Variants in MGRN1 observed in about 807,000 individuals in gnomAD.
MGRN1 encodes the protein mahogunin ring finger 1.
A neutral mutation model predicts 69.2 loss-of-function variants in MGRN1; 29 were observed. The observed-to-expected ratio is 0.42, with a 90% CI of 0.31 to 0.57. The LOEUF (loss-of-function observed/expected upper bound fraction) is 0.57. Among genes scored for constraint, MGRN1 ranks in the 20% least tolerant of loss-of-function variants. The pLI, the probability that MGRN1 is intolerant of heterozygous loss-of-function variation, is 0.15. For synonymous variants in MGRN1, 470 were observed against 344.2 expected (o/e 1.37, Z -4.04); for missense variants, 998 against 796.2 (o/e 1.25, Z -3.05).
chr16:4,631,658 G>T (rs1157040326), intron 1 of MGRN1, among the ~76,000 whole-genome samples: 2 of 152,206 alleles, frequency 1.3e-5, no homozygotes, highest in Non-Finnish European at 2.9e-5. Context: ...GTGAAATCAG[G>T]TAGCATAAGT....
intron 5 of MGRN1, among the ~76,000 whole-genome samples, chr16:4,661,070 C>T (rs143490393): frequency 4.6e-5 from 7 of 152,124 alleles, no homozygotes; most frequent in Non-Finnish European, 5.9e-5. Context: ...CAGCCTCGAA[C>T]TCCTGGGTTA....
rs1027527076 is a variant in MGRN1, at chr16:4,672,067, G to A, written c.795+608G>A. 2.5e-4 allele frequency among the ~76,000 whole-genome samples: 38 copies of A among 152,078 alleles called. 1 individual carries two copies. Among genetic ancestry groups the A allele is most frequent in the African/African-American group, 8.7e-4 (36 of 41,512 alleles). On this transcript the variant is annotated intron_variant, in intron 9 of 16. Transcript: ENST00000262370. ...ACCACAGGCACGCGCCACCACACCCGGCTAATTTTTTGTATTTTAGTAGCG... is the reference window on the plus strand; with the variant it reads ...ACCACAGGCACGCGCCACCACACCCAGCTAATTTTTTGTATTTTAGTAGCG...
At chr16:4,655,287 T>G (rs2078507810) in intron 4 of MGRN1, among the ~76,000 whole-genome samples, 4 of 152,042 alleles carry the variant, frequency 2.6e-5, no homozygotes, top group Admixed American at 2.6e-4. Context: ...CAAGTGCACT[T>G]GAAGAGAGGG....
intron 4 of MGRN1, among the ~76,000 whole-genome samples, chr16:4,656,186 T>C (rs1050603563): frequency 6.6e-6 from 1 of 152,254 alleles, no homozygotes. Flanking sequence ...ATGAAACTGC[T>C]TGAGGCACCT....
intron 1 of MGRN1, 149 bp downstream of exon 1, chr16:4,625,197 C>G (rs923176173): frequency 2.8e-6 from 2 of 711,808 alleles, no homozygotes; most frequent in African/African-American, 1.9e-5. Flanking sequence ...CCCCACGGCC[C>G]CGATCCCTAG....
chr16:4,688,900 C>T lies in MGRN1; in HGVS notation c.1723C>T (p.Pro575Ser). The T allele has an allele frequency of 1.3e-6, 2 of 1,544,578 alleles. No individual in the cohort carries two copies. Among genetic ancestry groups the T allele is most frequent in the Non-Finnish European group, 1.8e-6 (2 of 1,141,892 alleles). The change falls in exon 17 of 17, where the codon CCA becomes TCA. Residue 575 changes from proline (P) to serine (S), a missense_variant. Physicochemically the swap from Pro to Ser is moderately conservative, Grantham distance 74. Coordinates refer to ENST00000262370, the MANE Select transcript of MGRN1 (RefSeq NM_015246.4). ...CGATCCCAGCGCCGCCGAGCTGACC[C>T]CACTCTGAGAGCCTGGCCGAGCTGG... ...SPDPSAAELT[P>S]L
At chr16:4,642,454 C>T (rs2078180123) in intron 1 of MGRN1, among the ~76,000 whole-genome samples, 1 of 144,116 alleles carries the variant, frequency 6.9e-6, no homozygotes, top group Non-Finnish European at 1.5e-5. Context: ...TGCACCACCA[C>T]GGCCAGCTAA....
At chr16:4,674,109 C>G (rs2079001655) in intron 10 of MGRN1, among the ~76,000 whole-genome samples, 2 of 152,002 alleles carry the variant, frequency 1.3e-5, no homozygotes, top group Admixed American at 6.6e-5. Context: ...CTCAGCCTCC[C>G]TAGTAGCTGG....
intron 1 of MGRN1, among the ~76,000 whole-genome samples, chr16:4,646,365 G>T (rs907378546): frequency 1.1e-4 from 16 of 152,102 alleles, no homozygotes; most frequent in Middle Eastern, 3.2e-3. Flanking sequence ...GGAGGTCCAA[G>T]GCTGCAGTGA....
Position 4,624,858 on chromosome 16 carries a change from A to G in MGRN1, c.-103A>G. ...CGAGGCGCCTCCGCGGCCGTGGACG[A>G]GCGTCCGTGCGGCCTGGTCCGGGCC... On this transcript the variant is annotated 5_prime_UTR_variant, in exon 1 of 17. Coordinates refer to ENST00000262370, the MANE Select transcript of MGRN1 (RefSeq NM_015246.4). The G allele has an allele frequency of 1.0e-6, 1 of 966,516 alleles. No homozygotes were observed. Among genetic ancestry groups the G allele is most frequent in the Non-Finnish European group, 1.4e-6 (1 of 712,940 alleles). The allele number at this position is 966,516 out of a possible 1,614,324, so 59.9% of individuals were successfully genotyped here.
At chr16:4,663,874 AG>A (rs1235407952) in intron 5 of MGRN1, among the ~76,000 whole-genome samples, 3 of 152,196 alleles carry the variant, frequency 2.0e-5, no homozygotes, top group Non-Finnish European at 2.9e-5. Flanking sequence ...TGTGCACAGC[AG>A]GGGGTGGGAT....
intron 5 of MGRN1, among the ~76,000 whole-genome samples, chr16:4,662,340 C>T (rs1033464579): frequency 3.9e-5 from 6 of 152,014 alleles, no homozygotes; most frequent in African/African-American, 1.5e-4. Flanking sequence ...CATGGTGAAA[C>T]CCCGTCTCTA....
At chr16:4,657,630 A>G (rs1013022127) in intron 5 of MGRN1, among the ~76,000 whole-genome samples, 10 of 151,860 alleles carry the variant, frequency 6.6e-5, no homozygotes, top group African/African-American at 2.2e-4. Context: ...GATGTGAAGA[A>G]TGGGGCACCC....
At chr16:4,667,858 G>A (rs1374534981) in intron 7 of MGRN1, among the ~76,000 whole-genome samples, 1 of 152,150 alleles carries the variant, frequency 6.6e-6, no homozygotes, top group Non-Finnish European at 1.5e-5. Flanking sequence ...AGCCGGGCCT[G>A]GGAGAGCAGG....
At chr16:4,652,923 C>T (rs1001256669) in intron 4 of MGRN1, 99 bp downstream of exon 4, 5 of 1,392,974 alleles carry the variant, frequency 3.6e-6, no homozygotes, top group African/African-American at 2.9e-5. Context: ...AAAACCAAAC[C>T]GTGCTCTTTG....
intron 9 of MGRN1, among the ~76,000 whole-genome samples, chr16:4,672,008 C>T (rs1056680331): frequency 2.0e-5 from 3 of 152,148 alleles, no homozygotes; most frequent in Admixed American, 6.5e-5. Context: ...CGGGTTCAAG[C>T]GATTCTCCTG....
At chr16:4,685,015 C>T (rs2079276600) in intron 16 of MGRN1, among the ~76,000 whole-genome samples, 1 of 152,140 alleles carries the variant, frequency 6.6e-6, no homozygotes, top group Non-Finnish European at 1.5e-5. Context: ...GTGGCCTGTG[C>T]TCATGGGCTG....
chr16:4,657,395 G>A (rs774484242), intron 5 of MGRN1, 32 bp downstream of exon 5: 28 of 1,587,072 alleles, frequency 1.8e-5, no homozygotes, highest in South Asian at 3.3e-5. Context: ...CTTGCCCTTC[G>A]CTCCTCCTGA....
In MGRN1 at chr16:4,679,570, A is replaced by G. The variant is rs370532190; in HGVS notation, c.1066-462A>G. Among the ~76,000 whole-genome samples the G allele has an allele frequency of 6.6e-5, 10 of 151,906 alleles. No individual in the cohort carries two copies. The South Asian group carries it at 2.1e-3, about 32-fold the overall frequency. ...GGTGGGGTGGGTGGGTCTGGGGCTG[A>G]CTCTTCTCCCCAGCCCTCTTGAGGG... is the stretch of plus-strand genomic sequence containing the variant. On this transcript the variant is annotated intron_variant, in intron 11 of 16. Coordinates refer to ENST00000262370, the MANE Select transcript of MGRN1 (RefSeq NM_015246.4).
Sources: allele counts gnomAD v4.1 joint callset (sites outside exome capture counted in the v4.1 genomes callset), GRCh38; gene constraint gnomAD v4.1.1; transcripts MANE v1.5; gene names NCBI Gene and HGNC (gene_info 2026-07-23, HGNC 2026-07-21).